Variants in CNTN5 observed in about 807,000 individuals in gnomAD.
CNTN5 encodes contactin-5.
In CNTN5, 77 loss-of-function variants were observed where a neutral mutation model predicts 129.1. That is an observed-to-expected ratio of 0.60 (90% CI 0.50 to 0.72). The LOEUF (loss-of-function observed/expected upper bound fraction) is 0.72, where lower values mean the gene tolerates loss of function less well. Among genes scored for constraint, CNTN5 ranks in the 30% least tolerant of loss-of-function variants. The pLI, the probability that CNTN5 is intolerant of heterozygous loss-of-function variation, is 0.00. For synonymous variants in CNTN5, 509 were observed against 465.6 expected, an observed-to-expected ratio of 1.09 and a Z score of -1.20; for missense variants, 1,478 against 1,328.8, an observed-to-expected ratio of 1.11 and a Z score of -1.75.
chr11:99,474,474 C>T (rs1945293270), intron 2 of CNTN5, among the ~76,000 whole-genome samples: 1 of 152,010 alleles, frequency 6.6e-6, no homozygotes, highest in African/African-American at 2.4e-5. Flanking sequence ...TTACCATTAT[C>T]ATTGAAATTA....
intron 8 of CNTN5, among the ~76,000 whole-genome samples, chr11:99,965,165 T>C (rs1206632012): frequency 6.6e-6 from 1 of 152,230 alleles, no homozygotes; most frequent in East Asian, 1.9e-4. Context: ...TTTCCTTTAA[T>C]TCTGCTCTGA....
chr11:99,827,451 T>C (rs1946999801), intron 4 of CNTN5, among the ~76,000 whole-genome samples: 1 of 152,218 alleles, frequency 6.6e-6, no homozygotes, highest in Non-Finnish European at 1.5e-5. Flanking sequence ...CTGAAATGTT[T>C]TCAGCATTAT....
chr11:99,869,724 G>A (rs936576472), intron 6 of CNTN5, among the ~76,000 whole-genome samples: 1 of 152,170 alleles, frequency 6.6e-6, no homozygotes, highest in African/African-American at 2.4e-5. Flanking sequence ...TCTGGATCGA[G>A]CAGAGTGCAG....
chr11:100,309,305 C>T lies in CNTN5; in HGVS notation c.2730+837C>T, dbSNP rs61325345. On this transcript the variant is annotated intron_variant, in intron 21 of 24. Coordinates refer to ENST00000524871, the MANE Select transcript of CNTN5 (RefSeq NM_014361.4). ...AATGATCAAGTATAGGACTTGTATA[C>T]TAACATGGTTTCCAGGCTGAAACAT... The T allele has an allele frequency of 2.3e-3, 2,298 of 984,020 alleles. 60 individuals are homozygous for T. In the African/African-American group the frequency reaches 0.037, roughly 16 times the overall value. 61.0% of individuals were successfully genotyped at this position (984,020 alleles called of 1,614,324 possible).
intron 3 of CNTN5, among the ~76,000 whole-genome samples, chr11:99,728,743 G>C (rs1943434524): frequency 6.6e-6 from 1 of 152,174 alleles, no homozygotes; most frequent in African/African-American, 2.4e-5. Flanking sequence ...GTTGGCCTTG[G>C]ATGTCAGCTT....
At chr11:99,979,040 A>G (rs999089971) in intron 8 of CNTN5, among the ~76,000 whole-genome samples, 3 of 152,184 alleles carry the variant, frequency 2.0e-5, no homozygotes, top group African/African-American at 7.2e-5. Context: ...TTCACGTAAC[A>G]CTGTTTCTCT....
intron 1 of CNTN5, among the ~76,000 whole-genome samples, chr11:99,154,298 G>A (rs184485909): frequency 3.9e-5 from 6 of 152,176 alleles, no homozygotes; most frequent in Non-Finnish European, 5.9e-5. Flanking sequence ...GCCATGGCAC[G>A]GTTGAGACAC....
intron 10 of CNTN5, among the ~76,000 whole-genome samples, chr11:100,069,907 CA>C (rs1157090592): frequency 2.0e-5 from 3 of 151,680 alleles, no homozygotes; most frequent in Non-Finnish European, 2.9e-5. Flanking sequence ...CAATTTTGCA[CA>C]AATAAAAAAA....
At chr11:99,250,572 AT>A (rs556443012) in intron 1 of CNTN5, among the ~76,000 whole-genome samples, 381 of 152,018 alleles carry the variant, frequency 2.5e-3, no homozygotes, top group Non-Finnish European at 3.7e-3. Context: ...TTTTAAATTC[AT>A]GCTGAATTTT....
chr11:99,734,266 A>G (rs1943628757), intron 3 of CNTN5, among the ~76,000 whole-genome samples: 1 of 152,200 alleles, frequency 6.6e-6, no homozygotes, highest in South Asian at 2.1e-4. Flanking sequence ...TCTTACTGTA[A>G]CATGTGCAAT....
At chr11:99,354,526 A>G (rs1470913896) in intron 2 of CNTN5, among the ~76,000 whole-genome samples, 4 of 152,206 alleles carry the variant, frequency 2.6e-5, no homozygotes, top group South Asian at 2.1e-4. Flanking sequence ...TAATTTTTCT[A>G]TGATGTTGTA....
chr11:100,180,758 A>G (rs147954784), intron 13 of CNTN5, among the ~76,000 whole-genome samples: 3 of 152,098 alleles, frequency 2.0e-5, no homozygotes, highest in East Asian at 3.9e-4. Flanking sequence ...TAGAATATAT[A>G]AAGTACTCTC....
intron 2 of CNTN5, among the ~76,000 whole-genome samples, chr11:99,391,262 T>G (rs1298421721): frequency 6.6e-6 from 1 of 152,186 alleles, no homozygotes; most frequent in East Asian, 1.9e-4. Context: ...ATAGCATGAC[T>G]ATGTGAAAAT....
chr11:100,006,994 GAA>G (rs1940233681), intron 9 of CNTN5, among the ~76,000 whole-genome samples: 2 of 152,052 alleles, frequency 1.3e-5, no homozygotes, highest in African/African-American at 4.8e-5. Flanking sequence ...ATCTACATCA[GAA>G]CTCTTGGGTA....
intron 2 of CNTN5, among the ~76,000 whole-genome samples, chr11:99,469,866 T>C (rs755325771): frequency 5.3e-5 from 8 of 152,212 alleles, no homozygotes; most frequent in Non-Finnish European, 1.2e-4. Context: ...TAAGCTAATT[T>C]CTAGTCTCTA....
At chr11:100,038,595 G>A (rs1327882381) in intron 9 of CNTN5, among the ~76,000 whole-genome samples, 1 of 152,040 alleles carries the variant, frequency 6.6e-6, no homozygotes, top group Non-Finnish European at 1.5e-5. Context: ...ATTATTGTGT[G>A]GGAGTCTAAG....
At chr11:99,278,080 A>G (rs1863526453) in intron 1 of CNTN5, among the ~76,000 whole-genome samples, 1 of 151,734 alleles carries the variant, frequency 6.6e-6, no homozygotes, top group Non-Finnish European at 1.5e-5. Flanking sequence ...TCAGGAATCT[A>G]GTTGACTTCA....
chr11:99,776,082 T>C (rs1945113485), intron 3 of CNTN5, among the ~76,000 whole-genome samples: 1 of 152,034 alleles, frequency 6.6e-6, no homozygotes. Context: ...TCATTTTCAT[T>C]AGTCACTTGG....
chr11:99,567,807 G>A (rs1347223144), intron 3 of CNTN5, among the ~76,000 whole-genome samples: 5 of 152,044 alleles, frequency 3.3e-5, no homozygotes, highest in African/African-American at 7.2e-5. Context: ...GTGCCCTGGC[G>A]GTATTAGACG....
Sources: gnomAD v4.1 joint callset for allele counts (sites outside exome capture counted in the v4.1 genomes callset) on GRCh38, gnomAD v4.1.1 for gene constraint, MANE v1.5 for transcripts, NCBI Gene and HGNC (gene_info 2026-07-23, HGNC 2026-07-21) for gene names.